CRTAM: variants seen among roughly 807,000 people sequenced by gnomAD.
CRTAM encodes the protein cytotoxic and regulatory T cell molecule, also known as cytotoxic and regulatory T-cell molecule.
CRTAM carries 44 observed loss-of-function variants against 50.0 expected under a neutral mutation model. The observed-to-expected ratio is 0.88, with a 90% CI of 0.69 to 1.13. The LOEUF is 1.13. Ranked by LOEUF, CRTAM falls within the 50% of genes most tolerant of loss-of-function variation. The pLI is 0.00. For synonymous variants in CRTAM, 159 were observed against 169.3 expected (o/e 0.94, Z 0.47); for missense variants, 448 against 457.5 (o/e 0.98, Z 0.19).
In CRTAM at chr11:122,840,543, C is replaced by T. The variant is rs1171966229; in HGVS notation, c.46+1951C>T. Among the ~76,000 whole-genome samples the T allele has an allele frequency of 3.9e-5, 6 of 152,092 alleles. No individual in the cohort carries two copies. In the South Asian group the frequency reaches 6.2e-4, roughly 16 times the overall value. The stretch of plus-strand genomic sequence containing the variant: ...TATTAAAAAGTCCTATTTGAAAACT[C>T]GTTCAAGGGGCCACCCGAGGGCATC... On this transcript the variant is annotated intron_variant, in intron 1 of 9. Coordinates refer to ENST00000227348, the MANE Select transcript of CRTAM (RefSeq NM_019604.4).
intron 1 of CRTAM, among the ~76,000 whole-genome samples, chr11:122,840,242 T>C (rs1439940112): frequency 6.6e-6 from 1 of 152,230 alleles, no homozygotes; most frequent in African/African-American, 2.4e-5. Context: ...CTGAGTACTT[T>C]GTGTTAATTA....
At chr11:122,851,514 C>T (rs539948663) in intron 2 of CRTAM, among the ~76,000 whole-genome samples, 179 bp from the exon 3 acceptor site, 1 of 152,310 alleles carries the variant, frequency 6.6e-6, no homozygotes, top group African/African-American at 2.4e-5. Flanking sequence ...CTTGATCTAG[C>T]TCAGTGGTTC....
At chr11:122,849,632 G>A (rs1816798199) in intron 1 of CRTAM, among the ~76,000 whole-genome samples, 2 of 152,088 alleles carry the variant, frequency 1.3e-5, no homozygotes, top group Admixed American at 6.5e-5. Flanking sequence ...TGAGGCATGA[G>A]AATCGCTTGA....
intron 2 of CRTAM, 112 bp downstream of exon 2, chr11:122,850,326 C>T (rs1861915375): frequency 1.9e-6 from 2 of 1,034,122 alleles, no homozygotes; most frequent in East Asian, 4.9e-5. Flanking sequence ...GGGGTGGGCT[C>T]AGCCCACCTA....
At chr11:122,852,684 G>C (rs1248919645) in intron 3 of CRTAM, among the ~76,000 whole-genome samples, 1 of 152,078 alleles carries the variant, frequency 6.6e-6, no homozygotes, top group Admixed American at 6.6e-5. Flanking sequence ...TTTTGTAAGG[G>C]AGCACACATC....
Position 122,851,752 on chromosome 11 carries a change from GTGCC to G in CRTAM, c.255_258del (p.Pro86ThrfsTer2). The stretch of plus-strand genomic sequence containing the variant: ...CTCGGCCAATCAGCTCTCCATCACT[GTGCC>G]TAACGTAACCCTGCAAGATGAAGGC... On this transcript the variant is annotated frameshift_variant, in exon 3 of 10. Transcript: ENST00000227348. LOFTEE classifies it high-confidence loss of function. The G allele has an allele frequency of 6.2e-7, 1 of 1,614,066 alleles. No individual in the cohort carries two copies. Among genetic ancestry groups the G allele is most frequent in the Non-Finnish European group, 8.5e-7 (1 of 1,179,978 alleles).
At chr11:122,864,830 G>A (rs981011696) in intron 7 of CRTAM, 111 bp downstream of exon 7, 2 of 738,334 alleles carry the variant, frequency 2.7e-6, no homozygotes, top group East Asian at 2.7e-5. Flanking sequence ...CTGCCCTTTA[G>A]GACATGATTG....
At chr11:122,859,672 T>C (rs1453304514) in intron 5 of CRTAM, among the ~76,000 whole-genome samples, 2 of 152,224 alleles carry the variant, frequency 1.3e-5, no homozygotes, top group African/African-American at 4.8e-5. Flanking sequence ...TAATTGTGGC[T>C]ATTCTTCTTT....
intron 9 of CRTAM, among the ~76,000 whole-genome samples, chr11:122,869,228 G>C (rs1862222134): frequency 6.6e-6 from 1 of 152,030 alleles, no homozygotes; most frequent in Admixed American, 6.6e-5. Context: ...GACCACCAGA[G>C]GATCCTATGA....
At chr11:122,849,920 G>C (rs1354339753) in intron 1 of CRTAM, 148 bp from the exon 2 acceptor site, 2 of 630,526 alleles carry the variant, frequency 3.2e-6, no homozygotes, top group Non-Finnish European at 4.9e-6. Context: ...CTCAGTTCTT[G>C]CCTCTCCCCT....
intron 1 of CRTAM, among the ~76,000 whole-genome samples, chr11:122,840,269 A>C (rs1444929240): frequency 6.6e-6 from 1 of 152,214 alleles, no homozygotes; most frequent in Non-Finnish European, 1.5e-5. Context: ...ATCATAGCGG[A>C]AGTACTGAGG....
At chr11:122,850,825 C>G (rs1204774684) in intron 2 of CRTAM, among the ~76,000 whole-genome samples, 4 of 152,234 alleles carry the variant, frequency 2.6e-5, no homozygotes, top group African/African-American at 7.2e-5. Flanking sequence ...TTAAGAATCT[C>G]TTGGGTTCAT....
At position 122,854,085 on chromosome 11, in the gene CRTAM, C is replaced by T. The variant is rs763296787; in HGVS notation, c.489C>T (p.Ser163=). Residue 163 remains serine (S), a splice_region_variant and synonymous_variant, in exon 4 of 10, where the codon TCC becomes TCT. Coordinates refer to ENST00000227348, the MANE Select transcript of CRTAM (RefSeq NM_019604.4). ...TACTTGGGAATAGCATGGAAGTGTC[C>T]GGTAAGGGGAGAAATGGTTCTCTTT... ...TWLLGNSMEV[S]GGTLHEFETD... 1.9e-6 allele frequency: 3 copies of T among 1,609,888 alleles called. No homozygotes were observed. Among genetic ancestry groups the T allele is most frequent in the East Asian group, 2.2e-5 (1 of 44,776 alleles).
intron 7 of CRTAM, among the ~76,000 whole-genome samples, chr11:122,866,717 C>A (rs1862179938): frequency 6.6e-6 from 1 of 151,946 alleles, no homozygotes; most frequent in African/African-American, 2.4e-5. Context: ...TGATCCTCTG[C>A]CTCAGTCTCC....
rs1444315363 is a variant in CRTAM, at chr11:122,851,797, C to T, written c.298C>T (p.His100Tyr). The T allele has an allele frequency of 1.2e-6, 2 of 1,613,876 alleles. No individual in the cohort carries two copies. The highest frequency in any genetic ancestry group is 8.5e-7 in the Non-Finnish European group (1 of 1,179,874). The change falls in exon 3 of 10, where the codon CAT becomes TAT. Residue 100 changes from histidine (H) to tyrosine (Y), a missense_variant. Physicochemically the swap from His to Tyr is moderately conservative, Grantham distance 83. Coordinates refer to ENST00000227348, the MANE Select transcript of CRTAM (RefSeq NM_019604.4). ...AGATGAAGGCGTGTACAAGTGCTTA[C>T]ATTACAGCGACTCTGTAAGCACAAA... Reference protein sequence around the residue: ...LQDEGVYKCLHYSDSVSTKEV... With the variant: ...LQDEGVYKCLYYSDSVSTKEV...
intron 6 of CRTAM, among the ~76,000 whole-genome samples, chr11:122,863,338 AAAG>A (rs1862121509): frequency 9.8e-5 from 8 of 81,356 alleles, no homozygotes; most frequent in Non-Finnish European, 2.8e-4. Context: ...AGAAAGAAAG[AAAG>A]AAAGAAAGAA....
chr11:122,844,867 C>T (rs899436339), intron 1 of CRTAM, among the ~76,000 whole-genome samples: 1 of 152,218 alleles, frequency 6.6e-6, no homozygotes, highest in Non-Finnish European at 1.5e-5. Flanking sequence ...ATAACAACAC[C>T]TTCTTTACAG....
At chr11:122,869,659 GA>G (rs1452942657) in intron 9 of CRTAM, among the ~76,000 whole-genome samples, 1 of 152,210 alleles carries the variant, frequency 6.6e-6, no homozygotes, top group Non-Finnish European at 1.5e-5. Context: ...GGAGCTGCAA[GA>G]AATACAGCGA....
rs755203596 is a variant in CRTAM at position 122,862,550 on chromosome 11, T to C, written c.733+6T>C. The C allele has an allele frequency of 6.5e-7, 1 of 1,527,884 alleles. No individual in the cohort carries two copies. The highest frequency in any genetic ancestry group is 9.0e-7 in the Non-Finnish European group (1 of 1,116,528). The allele number at this position is 1,527,884 out of a possible 1,614,324, so 94.6% of individuals were successfully genotyped here. A position where few individuals can be genotyped will look rare whatever the true frequency, so the allele number is the denominator to read the frequency against. On this transcript the variant is annotated splice_donor_region_variant and intron_variant, in intron 6 of 9. Transcript: ENST00000227348. ...ACAGCAGCCCACCAGTACTGGTAAG[T>C]GTCAAAATCATTCAAACTTGTTTTT...
Sources: allele counts gnomAD v4.1 joint callset (sites outside exome capture counted in the v4.1 genomes callset), GRCh38; gene constraint gnomAD v4.1.1; transcripts MANE v1.5; gene names NCBI Gene and HGNC (gene_info 2026-07-23, HGNC 2026-07-21).